Variants in SIK3 observed in about 807,000 individuals in gnomAD.
SIK3 encodes serine/threonine-protein kinase SIK3.
A neutral mutation model predicts 144.2 loss-of-function variants in SIK3; 28 were observed. The observed-to-expected ratio is 0.19, with a 90% CI of 0.14 to 0.27. The LOEUF (loss-of-function observed/expected upper bound fraction) is 0.27, where lower values mean the gene tolerates loss of function less well. Ranked by LOEUF, SIK3 falls within the 10% of genes least tolerant of loss-of-function variation. SIK3 has a pLI of 1.00. For synonymous variants in SIK3, 686 were observed against 676.3 expected (o/e 1.01, Z -0.22); for missense variants, 1,319 against 1,776.0 (o/e 0.74, Z 4.62).
chr11:117,082,733 A>T lies in SIK3; in HGVS notation c.273+15410T>A, dbSNP rs185186775. 2.0e-5 allele frequency among the ~76,000 whole-genome samples: 3 copies of T among 152,154 alleles called. No homozygotes were observed. In the East Asian group the frequency reaches 5.8e-4, roughly 29 times the overall value. On this transcript the variant is annotated intron_variant, in intron 1 of 24. Transcript: ENST00000445177. ...GTCGCACAGCTCCATGAATACACTT[A>T]AAAAAAATTGGGTGAACTGTATGGT... is the stretch of plus-strand genomic sequence containing the variant.
intron 4 of SIK3, among the ~76,000 whole-genome samples, chr11:116,926,968 T>C (rs11216190): frequency 0.15 from 21,608 of 145,386 alleles, 2,184 homozygotes; most frequent in African/African-American, 0.29. Context: ...CTGCAGTGAG[T>C]CAAGACTGCA....
chr11:117,098,361 C>T lies in SIK3; in HGVS notation c.55G>A (p.Gly19Arg). ...AGGAAGAGTG[G>R]AGPAGRLLPP... ...AGCAGGCGGCCCGCGGGCCCGGCTC[C>T]CCCAGTCCCGGCCCCGGCAGCCCCG... is the stretch of plus-strand genomic sequence containing the variant. Residue 19 changes from glycine (G) to arginine (R), a missense_variant, in exon 1 of 25, where the codon GGA becomes AGA. Physicochemically the swap from Gly to Arg is moderately radical, Grantham distance 125. Around this residue, in one of 8 missense-constraint regions of SIK3, gnomAD observed 114 missense variants for 116.2 expected, o/e 0.98. Transcript: ENST00000445177. 6 of 1,165,554 alleles carry T rather than the reference C, an allele frequency of 5.1e-6. No individual in the cohort carries two copies. The highest frequency in any genetic ancestry group is 6.3e-6 in the Non-Finnish European group (6 of 947,914). 72.2% of individuals were successfully genotyped at this position (1,165,554 alleles called of 1,614,324 possible). A position where few individuals can be genotyped will look rare whatever the true frequency, so the allele number is the denominator to read the frequency against.
chr11:116,863,054 A>G (rs1943437081), intron 16 of SIK3, among the ~76,000 whole-genome samples: 1 of 150,894 alleles, frequency 6.6e-6, no homozygotes, highest in Non-Finnish European at 1.5e-5. Context: ...AGCCTGGGTG[A>G]CAGAGCAAGA....
chr11:116,880,502 G>A (rs946452213), intron 6 of SIK3, among the ~76,000 whole-genome samples: 4 of 152,080 alleles, frequency 2.6e-5, no homozygotes, highest in East Asian at 1.9e-4. Flanking sequence ...ACATAATATC[G>A]AACGTGCCAA....
intron 1 of SIK3, among the ~76,000 whole-genome samples, chr11:116,981,260 G>A (rs1950131982): frequency 6.6e-6 from 1 of 152,134 alleles, no homozygotes; most frequent in African/African-American, 2.4e-5. Context: ...TTGCAGGATC[G>A]CTTACTTAAA....
intron 3 of SIK3, among the ~76,000 whole-genome samples, chr11:116,943,953 T>C (rs1948444153): frequency 3.3e-5 from 5 of 152,020 alleles, no homozygotes; most frequent in Admixed American, 2.6e-4. Context: ...GTAACTTACT[T>C]TAACCAAATA....
chr11:117,093,880 G>A (rs1382153604), intron 1 of SIK3, among the ~76,000 whole-genome samples: 4 of 151,902 alleles, frequency 2.6e-5, no homozygotes, highest in African/African-American at 7.3e-5. Context: ...TTCATGAATC[G>A]TGCCCAAGGG....
intron 1 of SIK3, among the ~76,000 whole-genome samples, chr11:117,088,227 A>G (rs7930409): frequency 0.31 from 47,603 of 151,960 alleles, 9,688 homozygotes; most frequent in African/African-American, 0.59. Context: ...GACAAAGCGA[A>G]ACCCTATCTC....
At chr11:116,997,305 C>A (rs987092877) in intron 1 of SIK3, among the ~76,000 whole-genome samples, 2 of 152,206 alleles carry the variant, frequency 1.3e-5, no homozygotes, top group African/African-American at 4.8e-5. Context: ...AACAGGTGGG[C>A]AGTCAGTCTG....
intron 4 of SIK3, among the ~76,000 whole-genome samples, chr11:116,914,053 T>G (rs1946481586): frequency 6.6e-6 from 1 of 151,684 alleles, no homozygotes; most frequent in Non-Finnish European, 1.5e-5. Context: ...ACCTAGAAAT[T>G]AAGAGTAGGT....
chr11:116,855,591 G>T (rs1236374552), intron 21 of SIK3: 1 of 152,280 alleles, frequency 6.6e-6, no homozygotes, highest in Non-Finnish European at 1.5e-5. Flanking sequence ...AGGAAGTATT[G>T]AAAGTACACG....
At chr11:116,881,544 C>CT (rs753521538) in intron 6 of SIK3, among the ~76,000 whole-genome samples, 70 of 151,142 alleles carry the variant, frequency 4.6e-4, no homozygotes, top group South Asian at 1.3e-3. Context: ...CATTTTTTTT[C>CT]TTTTTTTTTG....
chr11:116,894,536 T>C (rs956960116), intron 6 of SIK3, among the ~76,000 whole-genome samples: 2 of 152,234 alleles, frequency 1.3e-5, no homozygotes, highest in Admixed American at 6.5e-5. Context: ...CTTTCTTTCA[T>C]ATCAAATCCA....
rs1488350684 is a variant in SIK3 at position 116,846,983 on chromosome 11, A to G, written c.3953-430T>C. On this transcript the variant is annotated intron_variant, in intron 23 of 24. Transcript: ENST00000445177. This position sits in a 1 kb window ranked among gnomAD's most constrained non-coding sequence, Gnocchi z 4.1. ...TAAGCCAGCCAGCCCTCAGGGCACA[A>G]TGTAGGATAAAGGCTCTATCGTTTT... Among the ~76,000 whole-genome samples, 2 of 152,178 alleles carry G rather than the reference A, an allele frequency of 1.3e-5. No individual in the cohort carries two copies. Among genetic ancestry groups the G allele is most frequent in the East Asian group, 3.9e-4 (2 of 5,186 alleles).
intron 4 of SIK3, among the ~76,000 whole-genome samples, chr11:116,922,159 G>T (rs981144188): frequency 6.6e-6 from 1 of 151,990 alleles, no homozygotes; most frequent in Non-Finnish European, 1.5e-5. Flanking sequence ...TTATTCTCTC[G>T]AAGAGAACTA....
intron 3 of SIK3, among the ~76,000 whole-genome samples, chr11:116,951,459 A>G (rs1948932552): frequency 6.6e-6 from 1 of 152,182 alleles, no homozygotes; most frequent in South Asian, 2.1e-4. Context: ...ATATATAATT[A>G]TAGGTTGGTG....
chr11:116,936,817 T>C (rs1260079311), intron 3 of SIK3, among the ~76,000 whole-genome samples: 1 of 152,224 alleles, frequency 6.6e-6, no homozygotes, highest in Non-Finnish European at 1.5e-5. Flanking sequence ...TTCATAAACA[T>C]AGTTCACCTG....
In SIK3 at chr11:117,098,325, C is replaced by T. The variant is rs781532434; in HGVS notation, c.91G>A (p.Ala31Thr). 8 of 1,155,140 alleles carry T rather than the reference C, an allele frequency of 6.9e-6. No homozygotes were observed. In the South Asian group the frequency reaches 2.9e-4, roughly 42 times the overall value. The allele number at this position is 1,155,140 out of a possible 1,614,324, so 71.6% of individuals were successfully genotyped here. A position where few individuals can be genotyped will look rare whatever the true frequency, so the allele number is the denominator to read the frequency against. Residue 31 changes from alanine to threonine, a missense_variant, in exon 1 of 25, where the codon GCG becomes ACG. By Grantham distance (58) the Ala-to-Thr change is moderately conservative (BLOSUM62 0). Coordinates refer to ENST00000445177, the MANE Select transcript of SIK3 (RefSeq NM_001366686.3). ...GPAGRLLPPP[A>T]PGSPAAPAAV... ...GCGGGGGCGGCTGGGGACCCCGGCG[C>T]GGGCGGAGGCAGCAGGCGGCCCGCG...
rs1419216812 is a variant in SIK3 at position 116,846,279 on chromosome 11, C to T, written c.*13+104G>A. On this transcript the variant is annotated intron_variant, in intron 24 of 24. Transcript: ENST00000445177. The surrounding 1 kb of genome is among the most constrained non-coding windows in gnomAD (Gnocchi z 4.1). ...GCCACGAGGGGAGGCGTGGTACTGTCGACTGCACTGGCCACCACAACACAT... is the reference window on the plus strand; with the variant it reads ...GCCACGAGGGGAGGCGTGGTACTGTTGACTGCACTGGCCACCACAACACAT... 10 of 1,202,066 alleles carry T rather than the reference C, an allele frequency of 8.3e-6. No homozygotes were observed. Among genetic ancestry groups the T allele is most frequent in the African/African-American group, 1.5e-5 (1 of 66,128 alleles). 74.5% of individuals were successfully genotyped at this position (1,202,066 alleles called of 1,614,324 possible).
Sources: gnomAD v4.1 joint callset for allele counts (sites outside exome capture counted in the v4.1 genomes callset) on GRCh38, gnomAD v4.1.1 for gene constraint, gnomAD v4.1.1 regional missense constraint, Gnocchi (gnomAD v3.1) non-coding constraint, MANE v1.5 for transcripts, NCBI Gene and HGNC (gene_info 2026-07-23, HGNC 2026-07-21) for gene names.